The following ME3 variants were observed in gnomAD, a reference collection of about 807,000 sequenced individuals.
ME3 encodes NADP-dependent malic enzyme, mitochondrial.
Under a neutral mutation model 68.9 loss-of-function variants are expected in ME3, and 48 were observed. The observed-to-expected ratio is 0.70, with a 90% CI of 0.55 to 0.89. The LOEUF is 0.89. ME3 is among the 40% of genes least tolerant of loss of function. ME3 has a pLI of 0.00. For synonymous variants in ME3, 320 were observed against 318.8 expected (o/e 1.00, Z -0.04); for missense variants, 675 against 797.4 (o/e 0.85, Z 1.85).
intron 2 of ME3, among the ~76,000 whole-genome samples, chr11:86,595,292 CATAT>C (rs775768095): frequency 1.0e-4 from 13 of 124,254 alleles, no homozygotes; most frequent in South Asian, 2.8e-4. Context: ...TATACATATA[CATAT>C]ATATATATAT....
chr11:86,445,528 A>G (rs370804541), intron 13 of ME3, among the ~76,000 whole-genome samples: 1 of 152,212 alleles, frequency 6.6e-6, no homozygotes, highest in East Asian at 1.9e-4. Context: ...TTACGTGTAA[A>G]TATGTTTAAT....
exon 13 of ME3, chr11:86,446,446 C>T (rs944828123): frequency 2.5e-6 from 4 of 1,614,112 alleles, no homozygotes; most frequent in Admixed American, 3.3e-5. Context: ...CTTCCAGAGT[C>T]ACACTCTTAA....
intron 4 of ME3, among the ~76,000 whole-genome samples, chr11:86,538,819 C>G (rs1250860972): frequency 6.6e-6 from 1 of 152,174 alleles, no homozygotes; most frequent in Non-Finnish European, 1.5e-5. Context: ...TCACTTTGCC[C>G]TACATCCAAC....
At chr11:86,634,954 C>T (rs1944242118) in intron 2 of ME3, among the ~76,000 whole-genome samples, 1 of 152,152 alleles carries the variant, frequency 6.6e-6, no homozygotes. Context: ...AATGGTAATT[C>T]TTGAGGGGTG....
intron 2 of ME3, among the ~76,000 whole-genome samples, chr11:86,567,479 C>G (rs1413796787): frequency 6.6e-6 from 1 of 152,210 alleles, no homozygotes; most frequent in African/African-American, 2.4e-5. Context: ...TTCACTGCCT[C>G]GGTAAAGACT....
intron 4 of ME3, among the ~76,000 whole-genome samples, chr11:86,550,448 T>C (rs755780615): frequency 1.3e-5 from 2 of 152,168 alleles, no homozygotes; most frequent in African/African-American, 4.8e-5. Flanking sequence ...CCTAATCCAG[T>C]GCTCTCCCTA....
At chr11:86,498,044 C>T in exon 6 of ME3, 1 of 1,613,768 alleles carries the variant, frequency 6.2e-7, no homozygotes, top group Non-Finnish European at 8.5e-7. Flanking sequence ...ACAGGGCCAG[C>T]TTGCCCACAG....
At chr11:86,648,752 T>G (rs1050525212) in intron 2 of ME3, among the ~76,000 whole-genome samples, 2 of 152,174 alleles carry the variant, frequency 1.3e-5, no homozygotes, top group Non-Finnish European at 2.9e-5. Context: ...AATAAATTCC[T>G]GGACACATAC....
chr11:86,539,579 G>A (rs981691371), intron 4 of ME3, among the ~76,000 whole-genome samples: 1 of 152,128 alleles, frequency 6.6e-6, no homozygotes, highest in Non-Finnish European at 1.5e-5. Context: ...TTAATAAGAA[G>A]ACAGTCTGTA....
intron 8 of ME3, among the ~76,000 whole-genome samples, chr11:86,454,171 G>A (rs1020491281): frequency 1.3e-5 from 2 of 152,232 alleles, no homozygotes; most frequent in African/African-American, 4.8e-5. Flanking sequence ...TCTATGGCTG[G>A]TGAGGAAGGA....
chr11:86,649,758 T>C (rs917184207), intron 2 of ME3, among the ~76,000 whole-genome samples: 1 of 152,138 alleles, frequency 6.6e-6, no homozygotes, highest in African/African-American at 2.4e-5. Flanking sequence ...TACAAGGATG[T>C]GAAGGACTCC....
intron 7 of ME3, among the ~76,000 whole-genome samples, chr11:86,481,100 G>A (rs1022735221): frequency 1.3e-4 from 19 of 151,944 alleles, no homozygotes; most frequent in African/African-American, 3.6e-4. Context: ...GGAGTGCAGC[G>A]ATACCATCAT....
At chr11:86,543,397 A>G (rs1305799299) in intron 4 of ME3, among the ~76,000 whole-genome samples, 1 of 152,222 alleles carries the variant, frequency 6.6e-6, no homozygotes, top group African/African-American at 2.4e-5. Context: ...GGTGTGCTGT[A>G]TTCAGGAGAT....
intron 2 of ME3, among the ~76,000 whole-genome samples, chr11:86,619,284 C>A (rs917472967): frequency 6.6e-6 from 1 of 152,154 alleles, no homozygotes; most frequent in Non-Finnish European, 1.5e-5. Flanking sequence ...GTTAAATATG[C>A]AATCTTGTTG....
chr11:86,609,143 C>G (rs1197053563), intron 2 of ME3, among the ~76,000 whole-genome samples: 2 of 152,138 alleles, frequency 1.3e-5, no homozygotes, highest in African/African-American at 2.4e-5. Flanking sequence ...GTAGTGATGC[C>G]TGGATTTGAA....
At chr11:86,466,712 C>T (rs79872588) in intron 7 of ME3, among the ~76,000 whole-genome samples, 1,855 of 152,266 alleles carry the variant, frequency 0.012, 41 homozygotes, top group African/African-American at 0.041. Context: ...TTGTTCCTGC[C>T]GTGGTCCTTC....
chr11:86,646,287 G>C (rs937914198), intron 2 of ME3, among the ~76,000 whole-genome samples: 21 of 152,160 alleles, frequency 1.4e-4, no homozygotes, highest in African/African-American at 5.1e-4. Flanking sequence ...CTAATGCAAG[G>C]AAGCTAAGAA....
In ME3 at chr11:86,446,449, A is replaced by C. The variant is rs540187033; in HGVS notation, c.1419T>G (p.Ser473Arg). ...AGGTCTTGCCATCTTCCAGAGTCAC[A>C]CTCTTAAAAGGACTTCCACTGGCAA... The change falls in exon 13 of 15, where the codon AGT becomes AGG. Residue 473 changes from serine to arginine, a missense_variant. Coordinates refer to ENST00000543262, the Ensembl canonical transcript of ME3. 13 of 1,614,112 alleles carry C rather than the reference A, an allele frequency of 8.1e-6. No individual in the cohort carries two copies. In the East Asian group the frequency reaches 2.9e-4, roughly 36 times the overall value.
intron 8 of ME3, among the ~76,000 whole-genome samples, chr11:86,454,670 C>G (rs1949816739): frequency 6.6e-6 from 1 of 152,158 alleles, no homozygotes; most frequent in South Asian, 2.1e-4. Context: ...TATAACAGAG[C>G]CAGGATGTGA....
Sources: allele counts gnomAD v4.1 joint callset (sites outside exome capture counted in the v4.1 genomes callset), GRCh38; gene constraint gnomAD v4.1.1; transcripts MANE v1.5; gene names NCBI Gene and HGNC (gene_info 2026-07-23, HGNC 2026-07-21).